The following NCOA2 variants were observed in gnomAD, a reference collection of about 807,000 sequenced individuals.
NCOA2 encodes the protein nuclear receptor coactivator 2, also known as class E basic helix-loop-helix protein 75.
Under a neutral mutation model 145.1 loss-of-function variants are expected in NCOA2, and 21 were observed. The observed-to-expected ratio is 0.14, with a 90% confidence interval of 0.10 to 0.21. The LOEUF (loss-of-function observed/expected upper bound fraction) is 0.21. Ranked by LOEUF, NCOA2 falls within the 10% of genes least tolerant of loss-of-function variation. The probability of loss-of-function intolerance (pLI) is 1.00; values close to 1 mark genes in which losing one functional copy is unlikely to be tolerated. For missense variants in NCOA2, 1,472 were observed against 1,837.6 expected, an observed-to-expected ratio of 0.80 and a Z score of 3.64; for synonymous variants, 619 against 637.5, an observed-to-expected ratio of 0.97 and a Z score of 0.44.
At chr8:70,386,855 A>G (rs1329062394) in intron 1 of NCOA2, among the ~76,000 whole-genome samples, 2 of 152,214 alleles carry the variant, frequency 1.3e-5, no homozygotes, top group African/African-American at 4.8e-5. Context: ...GTCCAATGCA[A>G]CAGGTCCATC....
intron 2 of NCOA2, among the ~76,000 whole-genome samples, chr8:70,219,812 G>A (rs1819986236): frequency 6.6e-6 from 1 of 152,110 alleles, no homozygotes; most frequent in African/African-American, 2.4e-5. Context: ...TGGACTGTCT[G>A]ATATTTCTAA....
intron 22 of NCOA2, among the ~76,000 whole-genome samples, chr8:70,115,876 TG>T (rs1353021406): frequency 6.6e-6 from 1 of 150,778 alleles, no homozygotes; most frequent in Non-Finnish European, 1.5e-5. Flanking sequence ...TCAAGATAAA[TG>T]GAACAGTCAA....
chr8:70,246,536 T>C (rs1196007490), intron 2 of NCOA2, among the ~76,000 whole-genome samples: 1 of 152,108 alleles, frequency 6.6e-6, no homozygotes, highest in Non-Finnish European at 1.5e-5. Flanking sequence ...AAACATATTT[T>C]TAATATATAT....
chr8:70,159,600 A>G lies in NCOA2; in HGVS notation c.1029T>C (p.Asp343=). ...TCGTTTGTGCAGCAACAAGAGTGCC[A>G]TCAGACAAGGAAAAACGATAGATTT... ...FSQIYRFSLS[D]GTLVAAQTKS... The change falls in exon 10 of 23, where the codon GAT becomes GAC. Residue 343 remains aspartate, a synonymous_variant. Coordinates refer to ENST00000452400, the MANE Select transcript of NCOA2 (RefSeq NM_006540.4). 4 of 1,613,060 alleles carry G rather than the reference A, an allele frequency of 2.5e-6. No individual in the cohort carries two copies. The highest frequency in any genetic ancestry group is 3.4e-6 in the Non-Finnish European group (4 of 1,179,114).
intron 2 of NCOA2, among the ~76,000 whole-genome samples, chr8:70,263,606 T>C (rs1238951895): frequency 6.6e-6 from 1 of 151,726 alleles, no homozygotes; most frequent in Non-Finnish European, 1.5e-5. Flanking sequence ...TGTAAGTCAA[T>C]ATAAAAAACA....
intron 1 of NCOA2, among the ~76,000 whole-genome samples, chr8:70,320,250 A>C (rs967735439): frequency 6.6e-6 from 1 of 152,150 alleles, no homozygotes; most frequent in African/African-American, 2.4e-5. Context: ...TCTGTTAAAA[A>C]AAACATGAAG....
chr8:70,124,557 C>T, intron 20 of NCOA2, 131 bp downstream of exon 20: 1 of 901,040 alleles, frequency 1.1e-6, no homozygotes. Context: ...AAGGCGGTGA[C>T]CTAGAAGCCA....
the NCOA2 span, among the ~76,000 whole-genome samples, chr8:70,449,924 C>T: frequency 6.6e-6 from 1 of 152,198 alleles, no homozygotes; most frequent in Non-Finnish European, 1.5e-5. Context: ...TGAAATGCAA[C>T]GAAGTAGCAA....
At chr8:70,347,747 T>C (rs1808815596) in intron 1 of NCOA2, among the ~76,000 whole-genome samples, 1 of 152,172 alleles carries the variant, frequency 6.6e-6, no homozygotes, top group South Asian at 2.1e-4. Context: ...TCAACTATAA[T>C]GTCTCTGGTC....
At chr8:70,127,874 C>T (rs138964773) in intron 18 of NCOA2, among the ~76,000 whole-genome samples, 1 of 152,280 alleles carries the variant, frequency 6.6e-6, no homozygotes, top group African/African-American at 2.4e-5. Flanking sequence ...CCTCTGTGAT[C>T]TATTTGGTGC....
chr8:70,453,728 A>G, the NCOA2 span, among the ~76,000 whole-genome samples: 1 of 152,204 alleles, frequency 6.6e-6, no homozygotes, highest in Non-Finnish European at 1.5e-5. Flanking sequence ...CATCCTTTTC[A>G]TTAAGGACTT....
chr8:70,162,919 T>TTTA (rs1813198568), intron 8 of NCOA2, 65 bp from the exon 9 acceptor site: 3 of 1,429,972 alleles, frequency 2.1e-6, no homozygotes, highest in Non-Finnish European at 2.8e-6. Flanking sequence ...TAATTTTTTT[T>TTTA]TTTTTTTTTT....
At chr8:70,157,330 A>G (rs1812408026) in intron 10 of NCOA2, 90 bp from the exon 11 acceptor site, 1 of 1,140,890 alleles carries the variant, frequency 8.8e-7, no homozygotes, top group African/African-American at 1.6e-5. Flanking sequence ...TGGCCTCTTC[A>G]CCTTAAAAGA....
At chr8:70,286,980 T>C (rs1826276348) in intron 2 of NCOA2, among the ~76,000 whole-genome samples, 1 of 152,168 alleles carries the variant, frequency 6.6e-6, no homozygotes, top group Non-Finnish European at 1.5e-5. Flanking sequence ...TGGTGGCTCA[T>C]GCTTGTAAAC....
At chr8:70,403,953 C>T (rs1586701969), upstream of NCOA2, 2 of 377,574 alleles carry the variant, frequency 5.3e-6, no homozygotes, top group African/African-American at 2.1e-5. Flanking sequence ...GCCAGGCCGT[C>T]CCTCCCTCTG....
At chr8:70,432,687 T>C in the NCOA2 span, among the ~76,000 whole-genome samples, 1 of 151,810 alleles carries the variant, frequency 6.6e-6, no homozygotes, top group African/African-American at 2.4e-5. Context: ...TAAAAATAAA[T>C]AAAATAAAGT....
chr8:70,401,766 A>T (rs1814274861), intron 1 of NCOA2: 2 of 152,222 alleles, frequency 1.3e-5, no homozygotes, highest in Non-Finnish European at 2.9e-5. Context: ...AACCGAGATA[A>T]GAGGTAAACG....
chr8:70,138,223 C>T lies in NCOA2; in HGVS notation c.3138G>A (p.Ala1046=), dbSNP rs199585105. The change falls in exon 15 of 23, where the codon GCG becomes GCA. Residue 1046 remains alanine, a synonymous_variant. Transcript: ENST00000452400. ...WPESILPIDQ[A]SFASQNRQPF... is the part of the protein sequence containing the mutation. ...CTCACCTGTTTTGGCTGGCAAAAGA[C>T]GCCTGGTCTATAGGCAGGATGCTTT... 20 of 1,613,458 alleles carry T rather than the reference C, an allele frequency of 1.2e-5. No individual in the cohort carries two copies. Among genetic ancestry groups the T allele is most frequent in the Admixed American group, 6.7e-5 (4 of 59,898 alleles).
At chr8:70,301,413 G>C (rs763881506) in intron 1 of NCOA2, among the ~76,000 whole-genome samples, 4 of 151,872 alleles carry the variant, frequency 2.6e-5, no homozygotes, top group Non-Finnish European at 2.9e-5. Flanking sequence ...CAACACTTTG[G>C]GAGGCTTGAG....
Sources: allele counts gnomAD v4.1 joint callset (sites outside exome capture counted in the v4.1 genomes callset), GRCh38; gene constraint gnomAD v4.1.1; transcripts MANE v1.5; gene names NCBI Gene and HGNC (gene_info 2026-07-23, HGNC 2026-07-21).